The following BIRC6 variants were observed in gnomAD, a reference collection of about 807,000 sequenced individuals.
BIRC6 encodes the protein baculoviral IAP repeat containing 6, also known as dual E2 ubiquitin-conjugating enzyme/E3 ubiquitin-protein ligase BIRC6.
Under a neutral mutation model 503.3 loss-of-function variants are expected in BIRC6, and 98 were observed. The ratio of observed to expected loss-of-function variants is 0.19; its 90% CI spans 0.17 to 0.23. The LOEUF is 0.23. Ranked by LOEUF, BIRC6 falls within the 10% of genes least tolerant of loss-of-function variation. The pLI is 1.00. For missense variants in BIRC6, 5,360 were observed against 5,806.0 expected (o/e 0.92, Z 2.50); for synonymous variants, 2,240 against 2,078.7 (o/e 1.08, Z -2.11).
intron 10 of BIRC6, among the ~76,000 whole-genome samples, chr2:32,426,536 G>A (rs568825833): frequency 9.9e-5 from 15 of 152,186 alleles, no homozygotes; most frequent in South Asian, 2.1e-4. Context: ...CCCAGGAGGC[G>A]GAGGTTGCAG....
At chr2:32,482,664 T>A in intron 39 of BIRC6, 82 bp downstream of exon 39, 2 of 1,491,204 alleles carry the variant, frequency 1.3e-6, no homozygotes, top group Non-Finnish European at 1.8e-6. Context: ...CCTTGAGAAG[T>A]TGAGCCTGGG....
intron 69 of BIRC6, 95 bp from the exon 70 acceptor site, chr2:32,599,644 C>G (rs573338213): frequency 1.5e-6 from 2 of 1,335,124 alleles, no homozygotes; most frequent in Non-Finnish European, 2.1e-6. Context: ...TCTCCAAAAA[C>G]GAAGGTTGTT....
In BIRC6 at chr2:32,485,749, A is replaced by G. The variant is rs769511941; in HGVS notation, c.7803A>G (p.Thr2601=). The G allele has an allele frequency of 5.0e-5, 79 of 1,594,634 alleles. No individual in the cohort carries two copies. The highest frequency in any genetic ancestry group is 1.3e-4 in the South Asian group (12 of 90,604). ...ADSILQALTN[T]SPTLSQSPTG... ...CCATTTTACAGGCATTAACAAATAC[A>G]TCTCCTACATGTAAGTAAAATGACC... The change falls in exon 40 of 74, where the codon ACA becomes ACG. Residue 2601 remains threonine, a synonymous_variant. Coordinates refer to ENST00000421745, the MANE Select transcript of BIRC6 (RefSeq NM_016252.4).
chr2:32,496,441 C>G (rs1169357963), intron 45 of BIRC6, among the ~76,000 whole-genome samples: 1 of 152,136 alleles, frequency 6.6e-6, no homozygotes, highest in Non-Finnish European at 1.5e-5. Flanking sequence ...CCAGGCTGGT[C>G]TCAAACTCCT....
In BIRC6 at chr2:32,468,470, T is replaced by G; in HGVS notation, c.5814T>G (p.Leu1938=). 6.3e-7 allele frequency: 1 copy of G among 1,593,464 alleles called. No individual in the cohort carries two copies. The highest frequency in any genetic ancestry group is 1.1e-5 in the South Asian group (1 of 89,152). Residue 1938 remains leucine, a synonymous_variant, in exon 29 of 74, where the codon CTT becomes CTG. Transcript: ENST00000421745. ...YNLACHRLET[L]LQSIDLPPLN... ...TGGCTTGTCATCGTCTGGAAACCCT[T>G]TTGCAAAGTATTGATCTTCCTCCTC...
chr2:32,605,793 G>A (rs2062408455), intron 71 of BIRC6, among the ~76,000 whole-genome samples: 1 of 152,158 alleles, frequency 6.6e-6, no homozygotes, highest in South Asian at 2.1e-4. Flanking sequence ...GGGAGGCAGA[G>A]GTTGCAGTGA....
At chr2:32,561,304 C>T (rs549118040) in intron 65 of BIRC6, among the ~76,000 whole-genome samples, 4 of 151,320 alleles carry the variant, frequency 2.6e-5, no homozygotes, top group South Asian at 4.2e-4. Context: ...GACAGTGGCA[C>T]GATCTTGGCT....
chr2:32,543,014 G>A (rs2057790623), intron 61 of BIRC6, among the ~76,000 whole-genome samples: 1 of 152,114 alleles, frequency 6.6e-6, no homozygotes, highest in African/African-American at 2.4e-5. Context: ...TGGCCAGGCT[G>A]GTCTCGAGTT....
chr2:32,467,987 C>T lies in BIRC6; in HGVS notation c.5656C>T (p.Pro1886Ser). 1 of 1,613,702 alleles carries T rather than the reference C, an allele frequency of 6.2e-7. No individual in the cohort carries two copies. Among genetic ancestry groups the T allele is most frequent in the Non-Finnish European group, 8.5e-7 (1 of 1,179,804 alleles). ...TTACTATGGTCATACCTACATCTTG[C>T]CTTGGGAAAGTGAACTGAAGTTAAT... is the stretch of plus-strand genomic sequence containing the variant. ...GFYYGHTYIL[P>S]WESELKLMHD... Residue 1886 changes from proline to serine, a missense_variant, in exon 28 of 74, where the codon CCT (proline) becomes TCT (serine). By Grantham distance (74) the Pro-to-Ser change is moderately conservative. Around this residue, in one of 16 missense-constraint regions of BIRC6, gnomAD observed 2,299 missense variants for 2,267.2 expected, o/e 1.01. Transcript: ENST00000421745.
At chr2:32,577,026 C>G (rs987605520) in intron 66 of BIRC6, among the ~76,000 whole-genome samples, 3 of 151,784 alleles carry the variant, frequency 2.0e-5, no homozygotes, top group African/African-American at 7.3e-5. Context: ...TCTTGTGGCC[C>G]CCCCCAGAAT....
At chr2:32,375,026 A>T (rs1234616605) in intron 1 of BIRC6, among the ~76,000 whole-genome samples, 1 of 152,182 alleles carries the variant, frequency 6.6e-6, no homozygotes, top group Non-Finnish European at 1.5e-5. Context: ...TGATTTGTGT[A>T]ATCAGCCTTT....
rs550376190 is a variant in BIRC6, at chr2:32,590,039, C to T, written c.13356-3876C>T. On this transcript the variant is annotated intron_variant, in intron 66 of 73. Transcript: ENST00000421745. ...CAAAAGGGGATCATAGAGTTAAAAA[C>T]TAAGCTTTAAATTAATCACAGAAAA... is the stretch of plus-strand genomic sequence containing the variant. Among the ~76,000 whole-genome samples, 18 of 152,250 alleles carry T rather than the reference C, an allele frequency of 1.2e-4. No homozygotes were observed. The East Asian group carries it at 3.3e-3, about 28-fold the overall frequency.
chr2:32,423,820 C>A (rs901340233), intron 10 of BIRC6, among the ~76,000 whole-genome samples: 1 of 152,176 alleles, frequency 6.6e-6, no homozygotes, highest in African/African-American at 2.4e-5. Context: ...AAAATCTCTT[C>A]TTGTCCCATC....
intron 65 of BIRC6, among the ~76,000 whole-genome samples, chr2:32,561,185 G>A (rs1239662587): frequency 3.4e-5 from 5 of 148,874 alleles, no homozygotes; most frequent in African/African-American, 1.2e-4. Context: ...GTGACGGAGT[G>A]AGACTACATC....
chr2:32,569,607 A>G (rs1314967871), intron 65 of BIRC6, among the ~76,000 whole-genome samples: 2 of 151,378 alleles, frequency 1.3e-5, no homozygotes, highest in African/African-American at 4.9e-5. Context: ...CTTGGACCCG[A>G]GCTGTCTTCC....
intron 57 of BIRC6, among the ~76,000 whole-genome samples, chr2:32,519,842 T>A (rs1007532458): frequency 5.9e-5 from 9 of 152,126 alleles, no homozygotes; most frequent in African/African-American, 2.2e-4. Flanking sequence ...ATAGTTGGAG[T>A]GTATTGCCAC....
intron 61 of BIRC6, chr2:32,532,201 A>T (rs1216864648): frequency 1.9e-6 from 1 of 521,756 alleles, no homozygotes; most frequent in Non-Finnish European, 3.9e-6. Context: ...TCTAGACTCT[A>T]TTATAGTTTC....
At chr2:32,574,844 G>A (rs925792264) in intron 65 of BIRC6, 2 of 365,904 alleles carry the variant, frequency 5.5e-6, no homozygotes, top group Non-Finnish European at 1.0e-5. Context: ...CGCCTCCCAG[G>A]TTCAAACAGT....
At chr2:32,613,222 A>C (rs866364087) in intron 73 of BIRC6, among the ~76,000 whole-genome samples, 2 of 151,820 alleles carry the variant, frequency 1.3e-5, no homozygotes, top group Middle Eastern at 6.8e-3. Context: ...TTTCTGAGAC[A>C]CTGTCTCTCT....
Sources: gnomAD v4.1 joint callset for allele counts (sites outside exome capture counted in the v4.1 genomes callset) on GRCh38, gnomAD v4.1.1 for gene constraint, gnomAD v4.1.1 regional missense constraint, MANE v1.5 for transcripts, NCBI Gene and HGNC (gene_info 2026-07-23, HGNC 2026-07-21) for gene names.